Variants in SUMF1 observed in about 807,000 individuals in gnomAD.
The protein encoded by SUMF1 is sulfatase modifying factor 1.
In SUMF1, 48 loss-of-function variants were observed where a neutral mutation model predicts 47.6. That is an observed-to-expected ratio of 1.01 (90% CI 0.80 to 1.28). SUMF1 has a LOEUF of 1.28. SUMF1 is among the 50% of genes most tolerant of loss of function. The probability of loss-of-function intolerance (pLI) is 0.00; values close to 1 mark genes in which losing one functional copy is unlikely to be tolerated. For synonymous variants in SUMF1, 230 were observed against 192.1 expected (o/e 1.20, Z -1.63); for missense variants, 571 against 485.4 (o/e 1.18, Z -1.66).
intron 8 of SUMF1, among the ~76,000 whole-genome samples, chr3:4,200,222 A>G (rs1280773207): frequency 7.3e-6 from 1 of 136,312 alleles, no homozygotes; most frequent in Admixed American, 8.1e-5. Flanking sequence ...GGTTACTTGT[A>G]GGTGTCAACT....
At chr3:4,156,273 C>A (rs1053770926) in intron 8 of SUMF1, among the ~76,000 whole-genome samples, 4 of 151,452 alleles carry the variant, frequency 2.6e-5, no homozygotes. Flanking sequence ...GGTCACACAA[C>A]TTTTATAAAC....
chr3:4,441,028 C>T (rs996605712), intron 3 of SUMF1, among the ~76,000 whole-genome samples: 1 of 152,146 alleles, frequency 6.6e-6, no homozygotes, highest in Non-Finnish European at 1.5e-5. Flanking sequence ...GGGTCCCCAA[C>T]CCCTGGACCA....
intron 8 of SUMF1, among the ~76,000 whole-genome samples, chr3:4,125,937 A>G (rs1379714037): frequency 6.6e-6 from 1 of 152,020 alleles, no homozygotes; most frequent in Non-Finnish European, 1.5e-5. Context: ...CTGGCCTTCC[A>G]AAGTGGTGGG....
intron 8 of SUMF1, among the ~76,000 whole-genome samples, chr3:4,301,497 T>C (rs1311504995): frequency 6.6e-6 from 1 of 152,126 alleles, no homozygotes; most frequent in Non-Finnish European, 1.5e-5. Flanking sequence ...TTTGGGGATA[T>C]GGAGAATGAC....
downstream of SUMF1, among the ~76,000 whole-genome samples, chr3:4,356,592 G>T (rs1688411): frequency 0.22 from 29,099 of 135,252 alleles, 3,086 homozygotes; most frequent in South Asian, 0.4. Flanking sequence ...TTTTTTTTTT[G>T]CTCTGTGAAA....
chr3:4,052,912 T>G, intron 9 of SUMF1, among the ~76,000 whole-genome samples: 1 of 152,178 alleles, frequency 6.6e-6, no homozygotes, highest in East Asian at 1.9e-4. Flanking sequence ...TAAGACTGTT[T>G]GCTCTCTTAC....
At chr3:4,110,848 T>TG (rs1443680804) in intron 8 of SUMF1, among the ~76,000 whole-genome samples, 1 of 61,178 alleles carries the variant, frequency 1.6e-5, no homozygotes, top group Non-Finnish European at 2.9e-5. Context: ...TGTTGTGGGG[T>TG]GGGGGGAGGG....
At chr3:4,108,908 C>G (rs1352727852) in intron 8 of SUMF1, among the ~76,000 whole-genome samples, 19 of 151,952 alleles carry the variant, frequency 1.3e-4, no homozygotes, top group Non-Finnish European at 1.8e-4. Context: ...TTAATTGGAG[C>G]ATTTAGCCCA....
At chr3:4,352,363 T>C (rs1422897682) in intron 8 of SUMF1, among the ~76,000 whole-genome samples, 3 of 152,166 alleles carry the variant, frequency 2.0e-5, no homozygotes, top group African/African-American at 7.2e-5. Flanking sequence ...GTACAGTGCC[T>C]GGCCCTGGAA....
intron 9 of SUMF1, among the ~76,000 whole-genome samples, chr3:4,057,366 C>G (rs1695210527): frequency 6.7e-6 from 1 of 150,240 alleles, no homozygotes; most frequent in Admixed American, 6.7e-5. Context: ...TGGGGATGGG[C>G]AGTTTGCTCA....
At chr3:4,307,228 AAT>A (rs1396498753) in intron 8 of SUMF1, among the ~76,000 whole-genome samples, 4 of 152,206 alleles carry the variant, frequency 2.6e-5, no homozygotes, top group African/African-American at 7.2e-5. Context: ...TTCAGTACGG[AAT>A]GTGATTCAGA....
chr3:4,417,427 T>C (rs980504861), intron 5 of SUMF1, among the ~76,000 whole-genome samples, 185 bp from the exon 6 acceptor site: 2 of 152,212 alleles, frequency 1.3e-5, no homozygotes, highest in Non-Finnish European at 2.9e-5. Flanking sequence ...TAACTTCTCA[T>C]GTCACGTCCA....
chr3:4,255,665 G>A (rs1482054586), intron 8 of SUMF1, among the ~76,000 whole-genome samples: 1 of 138,276 alleles, frequency 7.2e-6, no homozygotes, highest in Admixed American at 7.2e-5. Flanking sequence ...CATTAATAAT[G>A]GGAGACTTTA....
At chr3:4,132,298 C>A (rs955302968) in intron 8 of SUMF1, among the ~76,000 whole-genome samples, 1 of 152,138 alleles carries the variant, frequency 6.6e-6, no homozygotes. Context: ...CAGCTGTGGA[C>A]TCATGCTCAT....
At chr3:4,149,488 A>T (rs973177) in intron 8 of SUMF1, among the ~76,000 whole-genome samples, 5 of 151,972 alleles carry the variant, frequency 3.3e-5, no homozygotes, top group Middle Eastern at 3.4e-3. Flanking sequence ...ATGGTCACTG[A>T]GCCAACATAA....
At chr3:4,382,077 C>T (rs1316124218) in intron 7 of SUMF1, among the ~76,000 whole-genome samples, 1 of 152,018 alleles carries the variant, frequency 6.6e-6, no homozygotes, top group Non-Finnish European at 1.5e-5. Flanking sequence ...ACAAAAAAAC[C>T]TTCCTCAAGA....
At chr3:4,110,365 G>C (rs897552375) in intron 8 of SUMF1, among the ~76,000 whole-genome samples, 1 of 152,088 alleles carries the variant, frequency 6.6e-6, no homozygotes, top group African/African-American at 2.4e-5. Context: ...AGGCTACTTG[G>C]GGGTCAGGGA....
intron 8 of SUMF1, among the ~76,000 whole-genome samples, chr3:4,249,978 G>A (rs1295099454): frequency 6.6e-6 from 1 of 152,178 alleles, no homozygotes; most frequent in South Asian, 2.1e-4. Flanking sequence ...GAGGCCAGGA[G>A]TTTGAGACCA....
intron 8 of SUMF1, among the ~76,000 whole-genome samples, chr3:4,278,230 C>T (rs1697458460): frequency 6.6e-6 from 1 of 151,690 alleles, no homozygotes; most frequent in Non-Finnish European, 1.5e-5. Flanking sequence ...ATGGCATGTT[C>T]TATAATTTAT....
Sources: gnomAD v4.1 joint callset for allele counts (sites outside exome capture counted in the v4.1 genomes callset) on GRCh38, gnomAD v4.1.1 for gene constraint, MANE v1.5 for transcripts, NCBI Gene and HGNC (gene_info 2026-07-23, HGNC 2026-07-21) for gene names.